Variants in ZNF737 observed in about 807,000 individuals in gnomAD.
ZNF737 encodes zinc finger protein 102 (Y3).
Under a neutral mutation model 11.7 loss-of-function variants are expected in ZNF737, and 13 were observed. The observed-to-expected ratio is 1.11, with a 90% CI of 0.73 to 1.77. The LOEUF is 1.77. ZNF737 is among the 40% of genes most tolerant of loss of function. The pLI is 0.00. For missense variants in ZNF737, 636 were observed against 638.0 expected (o/e 1.00, Z 0.03); for synonymous variants, 217 against 216.2 (o/e 1.00, Z -0.03).
intron 3 of ZNF737, among the ~76,000 whole-genome samples, chr19:20,548,977 A>AAAAC (rs1289828310): frequency 7.2e-5 from 9 of 124,602 alleles, no homozygotes; most frequent in African/African-American, 2.8e-4. Context: ...AAAAAAAAAA[A>AAAAC]AAACAATTAT....
chr19:20,553,261 CT>C (rs554853086), intron 2 of ZNF737, among the ~76,000 whole-genome samples: 12 of 151,102 alleles, frequency 7.9e-5, no homozygotes, highest in African/African-American at 2.9e-4. Context: ...TTTTTCTTTT[CT>C]TTTTTTTTCC....
chr19:20,544,410 C>A lies in ZNF737; in HGVS notation c.*182G>T, dbSNP rs889770451. 8.3e-6 allele frequency: 12 copies of A among 1,443,308 alleles called. No homozygotes were observed. The African/African-American group carries it at 1.6e-4, about 19-fold the overall frequency. 89.4% of individuals were successfully genotyped at this position (1,443,308 alleles called of 1,614,324 possible). A position where few individuals can be genotyped will look rare whatever the true frequency, so the allele number is the denominator to read the frequency against. On this transcript the variant is annotated 3_prime_UTR_variant, in exon 4 of 4. Coordinates refer to ENST00000427401, the MANE Select transcript of ZNF737 (RefSeq NM_001159293.2). Reference sequence around the variant, plus strand: ...GGCAGAGGTGTCCTTAAAGGCTTTGCTGCATTTTCTTATTTGTTGGGTTTC... The same window carrying A: ...GGCAGAGGTGTCCTTAAAGGCTTTGATGCATTTTCTTATTTGTTGGGTTTC...
rs782605697 is a variant in ZNF737, at chr19:20,545,203, T to A, written c.1000A>T (p.Ile334Phe). ...TTGTAGGGTTTCTCTCCAGTATGAA[T>A]TCTTTTATGTGTAGTAAGGACAGAG... Reference protein sequence around the residue: ...HPSVLTTHKRIHTGEKPYKCE... With the variant: ...HPSVLTTHKRFHTGEKPYKCE... The change falls in exon 4 of 4, where the codon ATT becomes TTT. Residue 334 changes from isoleucine (I) to phenylalanine (F), a missense_variant. By Grantham distance (21) the Ile-to-Phe change is conservative. Transcript: ENST00000427401. 6.2e-7 allele frequency: 1 copy of A among 1,613,818 alleles called. No individual in the cohort carries two copies. Among genetic ancestry groups the A allele is most frequent in the African/African-American group, 1.3e-5 (1 of 74,934 alleles).
rs968594118 is a variant in ZNF737, at chr19:20,541,349, C to A, written c.*3243G>T. 2 of 983,972 alleles carry A rather than the reference C, an allele frequency of 2.0e-6. No homozygotes were observed. Among genetic ancestry groups the A allele is most frequent in the Non-Finnish European group, 2.4e-6 (2 of 828,668 alleles). The allele number at this position is 983,972 out of a possible 1,614,324, so 61.0% of individuals were successfully genotyped here. On this transcript the variant is annotated 3_prime_UTR_variant, in exon 4 of 4. Transcript: ENST00000427401. ...ATATTTAACTCTATGTAAATTAAAA[C>A]TAAAAGTCTATGTGTTTGCAGGCAG...
At position 20,545,012 on chromosome 19, in the gene ZNF737, G is replaced by C. The variant is rs782480430; in HGVS notation, c.1191C>G (p.Tyr397Ter). 3 of 1,613,866 alleles carry C rather than the reference G, an allele frequency of 1.9e-6. No homozygotes were observed. The highest frequency in any genetic ancestry group is 4.5e-5 in the East Asian group (2 of 44,838). The change falls in exon 4 of 4, where the codon TAC (tyrosine) becomes TAG (stop). Residue 397 changes from tyrosine (Y) to a stop codon, truncating the protein, a stop_gained. Transcript: ENST00000427401. LOFTEE classifies it low-confidence loss of function (END_TRUNC). ...HKRIHTGEKP[Y>*]KCEECGEAFK... ...AGGCTTCGCCACATTCTTCACATTT[G>C]TAGGGTTTCTCTCCAGTATGAATTC...
Position 20,543,465 on chromosome 19 carries a change from T to C in ZNF737, c.*1127A>G. ...ACAGTAATTGCCATTTTAATGCTTT[T>C]ATTAAAAGGAAGATTTTTATGTTGA... On this transcript the variant is annotated 3_prime_UTR_variant, in exon 4 of 4. Transcript: ENST00000427401. The C allele has an allele frequency of 1.0e-6, 1 of 985,232 alleles. No individual in the cohort carries two copies. Among genetic ancestry groups the C allele is most frequent in the Non-Finnish European group, 1.2e-6 (1 of 829,486 alleles). The allele number at this position is 985,232 out of a possible 1,614,324, so 61.0% of individuals were successfully genotyped here. A position where few individuals can be genotyped will look rare whatever the true frequency, so the allele number is the denominator to read the frequency against.
downstream of ZNF737, among the ~76,000 whole-genome samples, chr19:20,537,509 CTATTTTTTTTT>C (rs1199814645): frequency 3.4e-5 from 2 of 58,480 alleles, no homozygotes; most frequent in Admixed American, 4.0e-4. Flanking sequence ...GCCTGGTTTT[CTATTTTTTTTT>C]TTTTTTTTTT....
chr19:20,558,288 A>C (rs1968964482), intron 1 of ZNF737, among the ~76,000 whole-genome samples: 1 of 151,414 alleles, frequency 6.6e-6, no homozygotes, highest in South Asian at 2.1e-4. Flanking sequence ...CTCAAAAAAA[A>C]AAAAGAACCT....
intron 2 of ZNF737, 115 bp from the exon 3 acceptor site, chr19:20,552,685 C>T: frequency 1.5e-6 from 1 of 649,354 alleles, no homozygotes; most frequent in Non-Finnish European, 2.3e-6. Context: ...TACCAAAATA[C>T]AAATTTATAA....
chr19:20,536,964 G>A (rs113185162), downstream of ZNF737, among the ~76,000 whole-genome samples: 119 of 151,652 alleles, frequency 7.8e-4, no homozygotes, highest in South Asian at 2.1e-4. Context: ...TCAGCTGGGC[G>A]TGGTGGCGGG....
chr19:20,550,175 T>C (rs934259162), intron 3 of ZNF737, among the ~76,000 whole-genome samples: 2 of 152,088 alleles, frequency 1.3e-5, no homozygotes, highest in African/African-American at 4.8e-5. Flanking sequence ...TAATCAAACA[T>C]TGGAAGCAAA....
downstream of ZNF737, among the ~76,000 whole-genome samples, chr19:20,531,751 C>T (rs1258620244): frequency 6.7e-6 from 1 of 149,976 alleles, no homozygotes; most frequent in Non-Finnish European, 1.5e-5. Context: ...AGCCACAGCA[C>T]CCAGCTGGAA....
Position 20,540,011 on chromosome 19 carries a change from T to G in ZNF737, c.*4581A>C, listed in dbSNP as rs142548082. The G allele has an allele frequency of 2.3e-4, 226 of 985,410 alleles. 3 individuals carry two copies. In the East Asian group the frequency reaches 0.022, roughly 96 times the overall value. The allele number at this position is 985,410 out of a possible 1,614,324, so 61.0% of individuals were successfully genotyped here. The stretch of plus-strand genomic sequence containing the variant: ...TTGTGGTCTCCTGTTTCTCTTAAGC[T>G]ATCCCAGATGAGAGGTGATTATTTC... On this transcript the variant is annotated 3_prime_UTR_variant, in exon 4 of 4. Coordinates refer to ENST00000427401, the MANE Select transcript of ZNF737 (RefSeq NM_001159293.2).
rs1188395065 is a variant in ZNF737, at chr19:20,555,023, C to T, written c.4-1188G>A. Among the ~76,000 whole-genome samples the T allele has an allele frequency of 2.6e-5, 4 of 151,254 alleles. No individual in the cohort carries two copies. The South Asian group carries it at 6.3e-4, about 24-fold the overall frequency. On this transcript the variant is annotated intron_variant, in intron 1 of 3. Coordinates refer to ENST00000427401, the MANE Select transcript of ZNF737 (RefSeq NM_001159293.2). ...GATTACAGGTGCCTGCCACCACGCC[C>T]GGCTAGTTTTTGTATTTTTAGTAGA...
rs111988999 is a variant in ZNF737, at chr19:20,553,833, C to A, written c.6G>T (p.Gly2=). Residue 2 remains glycine (G), a splice_region_variant and synonymous_variant, in exon 2 of 4, where the codon GGG becomes GGT. Transcript: ENST00000427401. M[G]PLQFRDVAIE... Reference sequence around the variant, plus strand: ...TGGCCACGTCTCTAAATTGCAATGGCCCCTGAAACACACACACAACATACG... The same window carrying A: ...TGGCCACGTCTCTAAATTGCAATGGACCCTGAAACACACACACAACATACG... 1.2e-6 allele frequency: 2 copies of A among 1,612,448 alleles called. No homozygotes were observed. Among genetic ancestry groups the A allele is most frequent in the Non-Finnish European group, 1.7e-6 (2 of 1,179,590 alleles).
In ZNF737 at chr19:20,539,960, T is replaced by C. The variant is rs1431188165; in HGVS notation, c.*4632A>G. On this transcript the variant is annotated 3_prime_UTR_variant, in exon 4 of 4. Transcript: ENST00000427401. ...AGTGAGCACTTTTACCCAGGTTACCTTTTTCCTCCCATTAATGTGGACCTG... is the reference window on the plus strand; with the variant it reads ...AGTGAGCACTTTTACCCAGGTTACCCTTTTCCTCCCATTAATGTGGACCTG... The C allele has an allele frequency of 8.1e-6, 8 of 985,112 alleles. No individual in the cohort carries two copies. The highest frequency in any genetic ancestry group is 7.0e-5 in the African/African-American group (4 of 57,242). The allele number at this position is 985,112 out of a possible 1,614,324, so 61.0% of individuals were successfully genotyped here.
downstream of ZNF737, among the ~76,000 whole-genome samples, chr19:20,535,666 C>T (rs1297884515): frequency 2.0e-5 from 3 of 151,694 alleles, no homozygotes; most frequent in Admixed American, 6.6e-5. Flanking sequence ...CCTGGGATTA[C>T]AGGCATGTGC....
intron 1 of ZNF737, among the ~76,000 whole-genome samples, chr19:20,564,444 T>G (rs782618021): frequency 2.6e-5 from 4 of 152,034 alleles, no homozygotes; most frequent in Non-Finnish European, 4.4e-5. Flanking sequence ...ATTTTTTTCC[T>G]TGGTAACTAG....
chr19:20,552,381 G>T, intron 3 of ZNF737, 94 bp downstream of exon 3: 3 of 842,220 alleles, frequency 3.6e-6, no homozygotes, highest in East Asian at 3.2e-5. Context: ...TTGGAGCACA[G>T]CTTCCCAAAT....
Sources: gnomAD v4.1 joint callset for allele counts (sites outside exome capture counted in the v4.1 genomes callset) on GRCh38, gnomAD v4.1.1 for gene constraint, MANE v1.5 for transcripts, NCBI Gene and HGNC (gene_info 2026-07-23, HGNC 2026-07-21) for gene names.